THSD7B: variants seen among roughly 807,000 people sequenced by gnomAD.
The protein encoded by THSD7B is thrombospondin type-1 domain-containing protein 7B.
In THSD7B, 138 loss-of-function variants were observed where a neutral mutation model predicts 213.6. The ratio of observed to expected loss-of-function variants is 0.65; its 90% confidence interval spans 0.56 to 0.74. THSD7B has a LOEUF of 0.74. Among genes scored for constraint, THSD7B ranks in the 30% least tolerant of loss-of-function variants. THSD7B has a pLI of 0.00. For synonymous variants in THSD7B, 742 were observed against 687.0 expected (o/e 1.08, Z -1.25); for missense variants, 1,931 against 1,991.5 (o/e 0.97, Z 0.58).
intron 1 of THSD7B, among the ~76,000 whole-genome samples, chr2:136,852,012 A>G (rs1180739254): frequency 6.6e-6 from 1 of 152,032 alleles, no homozygotes; most frequent in African/African-American, 2.4e-5. Context: ...TTGATAAGTT[A>G]TATGGCAAAA....
chr2:137,607,749 C>T (rs1457498724), intron 17 of THSD7B, among the ~76,000 whole-genome samples: 1 of 152,142 alleles, frequency 6.6e-6, no homozygotes, highest in Non-Finnish European at 1.5e-5. Flanking sequence ...AAACAGGTGA[C>T]AGCCTCGATT....
intron 15 of THSD7B, among the ~76,000 whole-genome samples, chr2:137,532,547 C>T (rs1476936330): frequency 7.9e-5 from 12 of 151,502 alleles, no homozygotes; most frequent in African/African-American, 2.4e-4. Flanking sequence ...ATAAGATTTC[C>T]GTATTATAGA....
intron 7 of THSD7B, among the ~76,000 whole-genome samples, chr2:137,212,887 C>T (rs2105035655): frequency 6.6e-6 from 1 of 152,064 alleles, no homozygotes; most frequent in Middle Eastern, 3.4e-3. Context: ...GATCAGGAAT[C>T]AAAGTAGAAC....
At chr2:137,252,048 A>G (rs1412975530) in intron 10 of THSD7B, among the ~76,000 whole-genome samples, 1 of 152,028 alleles carries the variant, frequency 6.6e-6, no homozygotes, top group African/African-American at 2.4e-5. Flanking sequence ...TGGGTGGATC[A>G]TGAGGTCAGG....
At chr2:137,459,968 A>G (rs987900432) in intron 15 of THSD7B, among the ~76,000 whole-genome samples, 7 of 152,144 alleles carry the variant, frequency 4.6e-5, no homozygotes, top group Non-Finnish European at 8.8e-5. Context: ...TTCTTGCCCA[A>G]TGAAGCCATC....
At chr2:137,384,706 C>T (rs1685854091) in intron 12 of THSD7B, among the ~76,000 whole-genome samples, 1 of 152,122 alleles carries the variant, frequency 6.6e-6, no homozygotes, top group African/African-American at 2.4e-5. Flanking sequence ...AGTGACTTGG[C>T]AGAAGGAGGG....
intron 15 of THSD7B, among the ~76,000 whole-genome samples, chr2:137,498,917 G>A (rs2105132942): frequency 6.6e-6 from 1 of 152,284 alleles, no homozygotes; most frequent in South Asian, 2.1e-4. Context: ...ATCAGAGGCA[G>A]GTTGCTCCCT....
At chr2:137,126,086 T>A (rs1287831173) in intron 5 of THSD7B, among the ~76,000 whole-genome samples, 1 of 152,192 alleles carries the variant, frequency 6.6e-6, no homozygotes, top group Non-Finnish European at 1.5e-5. Flanking sequence ...AGCATAATTC[T>A]TAAGGATCCT....
rs563416450 is a variant in THSD7B, at chr2:137,116,626, A to G, written c.1369+1333A>G. On this transcript the variant is annotated intron_variant, in intron 5 of 27. Transcript: ENST00000409968. The stretch of plus-strand genomic sequence containing the variant: ...CTGCTATTGACATTTTCATCTTTCT[A>G]AACTTTCTTTTGTAAAAATAGCTTT... Among the ~76,000 whole-genome samples the G allele has an allele frequency of 2.0e-4, 30 of 152,314 alleles. No homozygotes were observed. In the South Asian group the frequency reaches 6.0e-3, roughly 30 times the overall value.
intron 2 of THSD7B, among the ~76,000 whole-genome samples, chr2:137,048,473 T>C (rs975070125): frequency 1.3e-4 from 20 of 152,246 alleles, no homozygotes; most frequent in Non-Finnish European, 2.9e-4. Context: ...TGGGTTCAGG[T>C]ACAAATATAC....
At chr2:137,476,728 C>T (rs991431134) in intron 15 of THSD7B, among the ~76,000 whole-genome samples, 8 of 151,976 alleles carry the variant, frequency 5.3e-5, no homozygotes, top group African/African-American at 1.2e-4. Flanking sequence ...TTAGTAGAGA[C>T]GGGGTTTTAC....
chr2:137,384,473 T>C (rs1396188503), intron 12 of THSD7B, among the ~76,000 whole-genome samples: 1 of 152,188 alleles, frequency 6.6e-6, no homozygotes, highest in Non-Finnish European at 1.5e-5. Context: ...CTCCTCTTTC[T>C]GCCAGCATGG....
chr2:137,447,628 G>C (rs1448749694), intron 14 of THSD7B, among the ~76,000 whole-genome samples: 1 of 151,860 alleles, frequency 6.6e-6, no homozygotes, highest in Non-Finnish European at 1.5e-5. Flanking sequence ...TCTTTTACGA[G>C]TGTCTATTGG....
chr2:137,489,483 G>A (rs546904052), intron 15 of THSD7B, among the ~76,000 whole-genome samples: 3 of 151,344 alleles, frequency 2.0e-5, no homozygotes, highest in Admixed American at 1.3e-4. Context: ...AAGTAGAATC[G>A]AGTTAATTAA....
chr2:137,290,865 C>G (rs1310022021), intron 12 of THSD7B, among the ~76,000 whole-genome samples: 1 of 152,096 alleles, frequency 6.6e-6, no homozygotes, highest in African/African-American at 2.4e-5. Context: ...CCAGCCTATT[C>G]CCTTTTGCTA....
At chr2:137,521,665 C>G (rs1261050009) in intron 15 of THSD7B, among the ~76,000 whole-genome samples, 1 of 152,178 alleles carries the variant, frequency 6.6e-6, no homozygotes, top group African/African-American at 2.4e-5. Flanking sequence ...GTGGAGATGC[C>G]AGCTGGCAAA....
intron 16 of THSD7B, among the ~76,000 whole-genome samples, chr2:137,569,812 A>T (rs1462415061): frequency 6.7e-6 from 1 of 150,294 alleles, no homozygotes; most frequent in Non-Finnish European, 1.5e-5. Context: ...TATTATTATT[A>T]ATTATTATTA....
At chr2:136,893,536 A>G (rs758166769) in intron 2 of THSD7B, among the ~76,000 whole-genome samples, 9 of 152,212 alleles carry the variant, frequency 5.9e-5, no homozygotes, top group Non-Finnish European at 8.8e-5. Flanking sequence ...ATCAGAGTGG[A>G]ATTGAATCAT....
chr2:137,268,509 C>T (rs1390999857), intron 10 of THSD7B, among the ~76,000 whole-genome samples: 1 of 152,100 alleles, frequency 6.6e-6, no homozygotes, highest in African/African-American at 2.4e-5. Flanking sequence ...ATTATTCATG[C>T]CTCCCTTTTT....
Sources: gnomAD v4.1 joint callset for allele counts (sites outside exome capture counted in the v4.1 genomes callset) on GRCh38, gnomAD v4.1.1 for gene constraint, MANE v1.5 for transcripts, NCBI Gene and HGNC (gene_info 2026-07-23, HGNC 2026-07-21) for gene names.